The following ZNF624 variants were observed in gnomAD, a reference collection of about 807,000 sequenced individuals.
The protein encoded by ZNF624 is zinc finger protein 624.
ZNF624 carries 43 observed loss-of-function variants against 74.7 expected under a neutral mutation model. The ratio of observed to expected loss-of-function variants is 0.58; its 90% CI spans 0.45 to 0.74. The LOEUF (loss-of-function observed/expected upper bound fraction) is 0.74. Among genes scored for constraint, ZNF624 ranks in the 30% least tolerant of loss-of-function variants. ZNF624 has a pLI of 0.00. For missense variants in ZNF624, 820 were observed against 1,030.0 expected (o/e 0.80, Z 2.79); for synonymous variants, 331 against 341.3 (o/e 0.97, Z 0.33).
chr17:16,647,503 C>T (rs7218241), intron 2 of ZNF624, 109 bp from the exon 3 acceptor site: 164,861 of 823,104 alleles, frequency 0.2, 18,296 homozygotes, highest in East Asian at 0.36. Context: ...ACAGGATGAC[C>T]TCACCTACTG....
At chr17:16,617,992 T>C, downstream of ZNF624, 2 of 647,536 alleles carry the variant, frequency 3.1e-6, no homozygotes, top group African/African-American at 1.8e-5. Context: ...CCTCACACCA[T>C]AGTGGCGGCC....
At chr17:16,631,791 C>T (rs1380980198) in intron 5 of ZNF624, 2 of 152,014 alleles carry the variant, frequency 1.3e-5, no homozygotes, top group East Asian at 3.9e-4. Flanking sequence ...ATAAAGAAAA[C>T]ACAAAAAACC....
In ZNF624 at chr17:16,634,254, A is replaced by G. The variant is rs1412512643; in HGVS notation, c.281-297T>C. 3.3e-5 allele frequency among the ~76,000 whole-genome samples: 5 copies of G among 152,364 alleles called. No homozygotes were observed. In the East Asian group the frequency reaches 9.6e-4, roughly 29 times the overall value. The stretch of plus-strand genomic sequence containing the variant: ...AGTGATGTTTTAGACAATTACAAAG[A>G]CATCTCAAAGGAACTCAATGCTATG... On this transcript the variant is annotated intron_variant, in intron 4 of 5. Transcript: ENST00000311331.
downstream of ZNF624, among the ~76,000 whole-genome samples, chr17:16,620,563 C>G (rs1182216898): frequency 1.3e-5 from 2 of 152,102 alleles, no homozygotes; most frequent in Non-Finnish European, 2.9e-5. Context: ...ACAAATGAAA[C>G]TCAGTGGGTG....
chr17:16,623,074 T>G lies in ZNF624; in HGVS notation c.1812A>C (p.Arg604Ser). 6.2e-7 allele frequency: 1 copy of G among 1,614,042 alleles called. No individual in the cohort carries two copies. Among genetic ancestry groups the G allele is most frequent in the Non-Finnish European group, 8.5e-7 (1 of 1,179,966 alleles). The change falls in exon 6 of 6, where the codon AGA (arginine) becomes AGC (serine). Residue 604 changes from arginine (R) to serine (S), a missense_variant. Coordinates refer to ENST00000311331, the MANE Select transcript of ZNF624 (RefSeq NM_020787.4). This position sits in a 1 kb window ranked among gnomAD's most constrained non-coding sequence, Gnocchi z 5.3. ...RIKSHLTVHQ[R>S]IHTGEKPYKC... is the part of the protein sequence containing the mutation. Reference sequence around the variant, plus strand: ...TATATGGTTTCTCTCCAGTGTGAATTCTCTGATGTACAGTTAAGTGTGATT... The same window carrying G: ...TATATGGTTTCTCTCCAGTGTGAATGCTCTGATGTACAGTTAAGTGTGATT...
the ZNF624 span, among the ~76,000 whole-genome samples, chr17:16,615,395 C>A: frequency 6.6e-6 from 1 of 152,144 alleles, no homozygotes; most frequent in Non-Finnish European, 1.5e-5. Context: ...CCGTGCCCAG[C>A]CTCAGTTTCA....
intron 3 of ZNF624, among the ~76,000 whole-genome samples, chr17:16,640,980 T>C (rs1909452825): frequency 6.6e-6 from 1 of 152,066 alleles, no homozygotes; most frequent in African/African-American, 2.4e-5. Flanking sequence ...CAGCAACAAC[T>C]AAAATGCCAC....
chr17:16,650,970 C>T (rs1227744411), intron 1 of ZNF624, among the ~76,000 whole-genome samples: 2 of 151,982 alleles, frequency 1.3e-5, no homozygotes, highest in Non-Finnish European at 2.9e-5. Flanking sequence ...AGTACTTAAC[C>T]ATTATTCTCT....
chr17:16,622,319 C>A lies in ZNF624; in HGVS notation c.2567G>T (p.Arg856Ile), dbSNP rs1393596199. The A allele has an allele frequency of 1.9e-6, 3 of 1,585,930 alleles. No individual in the cohort carries two copies. Among genetic ancestry groups the A allele is most frequent in the East Asian group, 4.5e-5 (2 of 44,676 alleles). ...RSSSSLTVHQRIHQRETQLI is the reference protein window; with the variant it reads ...RSSSSLTVHQIIHQRETQLI ...TAACTGAGTTTCTCTTTGATGTATT[C>A]TTTGATGTACAGTAAGGCTCGAACT... is the stretch of plus-strand genomic sequence containing the variant. Residue 856 changes from arginine (R) to isoleucine (I), a missense_variant, in exon 6 of 6, where the codon AGA (arginine) becomes ATA (isoleucine). Transcript: ENST00000311331.
downstream of ZNF624, chr17:16,617,775 C>G (rs1908822757): frequency 1.4e-5 from 23 of 1,610,476 alleles, no homozygotes; most frequent in Non-Finnish European, 2.0e-5. Flanking sequence ...GAAGCCGTAG[C>G]CATTTTTGAG....
At chr17:16,644,613 A>T (rs1181953127) in intron 3 of ZNF624, among the ~76,000 whole-genome samples, 1 of 152,256 alleles carries the variant, frequency 6.6e-6, no homozygotes, top group Non-Finnish European at 1.5e-5. Flanking sequence ...AATAACATTA[A>T]GCCAGACTGA....
In ZNF624 at chr17:16,643,458, A is replaced by C. The variant is rs546198211; in HGVS notation, c.153+3871T>G. On this transcript the variant is annotated intron_variant, in intron 3 of 5. Transcript: ENST00000311331. The stretch of plus-strand genomic sequence containing the variant: ...CATATTATATCATTTCATTTATATG[A>C]AATGTCCAGAATAGGCAAATCTATA... Among the ~76,000 whole-genome samples, 26 of 152,340 alleles carry C rather than the reference A, an allele frequency of 1.7e-4. No homozygotes were observed. The South Asian group carries it at 4.1e-3, about 24-fold the overall frequency.
At chr17:16,626,098 C>T (rs1311266663) in intron 5 of ZNF624, among the ~76,000 whole-genome samples, 5 of 152,004 alleles carry the variant, frequency 3.3e-5, no homozygotes, top group South Asian at 2.1e-4. Flanking sequence ...TACAGGCATG[C>T]GCCACCACAT....
intron 1 of ZNF624, among the ~76,000 whole-genome samples, chr17:16,651,733 T>C (rs1027788482): frequency 3.3e-5 from 5 of 152,136 alleles, no homozygotes; most frequent in African/African-American, 7.2e-5. Context: ...TGTTTTCTAA[T>C]GAAAACGCCA....
chr17:16,633,742 T>C lies in ZNF624; in HGVS notation c.376+120A>G, dbSNP rs536501421. ...GACAGGCAGTGAGATGGGGGATCTC[T>C]TCCTCTGAGACAGCGTTGAACAAAT... On this transcript the variant is annotated intron_variant, in intron 5 of 5. Transcript: ENST00000311331. 802 of 705,150 alleles carry C rather than the reference T, an allele frequency of 1.1e-3. 1 individual carries two copies. Among genetic ancestry groups the C allele is most frequent in the Non-Finnish European group, 1.5e-3 (664 of 431,408 alleles). The allele number at this position is 705,150 out of a possible 1,614,324, so 43.7% of individuals were successfully genotyped here. A position where few individuals can be genotyped will look rare whatever the true frequency, so the allele number is the denominator to read the frequency against.
At chr17:16,650,499 A>G (rs1207016437) in intron 1 of ZNF624, among the ~76,000 whole-genome samples, 2 of 152,050 alleles carry the variant, frequency 1.3e-5, no homozygotes, top group Non-Finnish European at 2.9e-5. Context: ...ATTGAAAAAA[A>G]AGTATATACC....
chr17:16,617,691 C>CG, downstream of ZNF624: 1 of 1,605,286 alleles, frequency 6.2e-7, no homozygotes, highest in Non-Finnish European at 8.5e-7. Context: ...TACGATCACG[C>CG]GCTCGCCGCA....
downstream of ZNF624, chr17:16,617,494 A>G: frequency 6.2e-7 from 1 of 1,602,806 alleles, no homozygotes; most frequent in African/African-American, 1.3e-5. Flanking sequence ...TGCTTGTCGC[A>G]TAAAATCCTT....
At position 16,621,103 on chromosome 17, in the gene ZNF624, A is replaced by T. The variant is rs1400567805; in HGVS notation, c.*1185T>A. On this transcript the variant is annotated 3_prime_UTR_variant, in exon 6 of 6. Transcript: ENST00000311331. ...ACCACACACACACACATAAACACAA[A>T]ATAAATGGGTGTGATTATTTTAACA... 6.6e-6 allele frequency: 1 copy of T among 152,202 alleles called. No individual in the cohort carries two copies. Among genetic ancestry groups the T allele is most frequent in the Admixed American group, 6.5e-5 (1 of 15,286 alleles). The allele number at this position is 152,202 out of a possible 1,614,324, so 9.4% of individuals were successfully genotyped here. A position where few individuals can be genotyped will look rare whatever the true frequency, so the allele number is the denominator to read the frequency against.
Sources: allele counts gnomAD v4.1 joint callset (sites outside exome capture counted in the v4.1 genomes callset), GRCh38; gene constraint gnomAD v4.1.1; non-coding constraint Gnocchi (gnomAD v3.1); transcripts MANE v1.5; gene names NCBI Gene and HGNC (gene_info 2026-07-23, HGNC 2026-07-21).